The following SPATS2L variants were observed in gnomAD, a reference collection of about 807,000 sequenced individuals.
The protein encoded by SPATS2L is spermatogenesis associated serine rich 2 like, also known as SPATS2-like protein.
Under a neutral mutation model 59.6 loss-of-function variants are expected in SPATS2L, and 30 were observed. The observed-to-expected ratio is 0.50, with a 90% confidence interval of 0.38 to 0.68. SPATS2L has a LOEUF of 0.68. SPATS2L is among the 30% of genes least tolerant of loss of function. The probability of loss-of-function intolerance (pLI) is 0.00; values close to 1 mark genes in which losing one functional copy is unlikely to be tolerated. For synonymous variants in SPATS2L, 252 were observed against 263.5 expected (o/e 0.96, Z 0.42); for missense variants, 615 against 700.0 (o/e 0.88, Z 1.37).
chr2:200,392,347 A>G (rs1363778780), intron 3 of SPATS2L, among the ~76,000 whole-genome samples: 1 of 152,192 alleles, frequency 6.6e-6, no homozygotes, highest in Non-Finnish European at 1.5e-5. Context: ...GGACTGAGCT[A>G]AATACTTGGA....
At position 200,440,757 on chromosome 2, in the gene SPATS2L, A is replaced by C. The variant is rs778323726; in HGVS notation, c.761A>C (p.Lys254Thr). The change falls in exon 8 of 13, where the codon AAA (lysine) becomes ACA (threonine). Residue 254 changes from lysine (K) to threonine (T), a missense_variant. By Grantham distance (78) the Lys-to-Thr change is moderately conservative. Around this residue, in one of 3 missense-constraint regions of SPATS2L, gnomAD observed 104 missense variants for 162.5 expected, o/e 0.64. Coordinates refer to ENST00000409140, the MANE Select transcript of SPATS2L (RefSeq NM_001100423.2). ...EEVDSSVKKI[K>T]AAFAELHNCI... ...GTGGATAGTTCCGTGAAGAAGATCA[A>C]AGCTGCCTTTGCTGAATTACACAAC... The C allele has an allele frequency of 6.2e-7, 1 of 1,613,642 alleles. No individual in the cohort carries two copies. Among genetic ancestry groups the C allele is most frequent in the Non-Finnish European group, 8.5e-7 (1 of 1,179,644 alleles).
intron 9 of SPATS2L, among the ~76,000 whole-genome samples, chr2:200,464,207 T>C (rs536690582): frequency 6.6e-6 from 1 of 152,354 alleles, no homozygotes; most frequent in South Asian, 2.1e-4. Flanking sequence ...GTTTGTGTGA[T>C]TGATGTTTTT....
At position 200,419,434 on chromosome 2, in the gene SPATS2L, T is replaced by C; in HGVS notation, c.383T>C (p.Ile128Thr). The C allele has an allele frequency of 6.2e-7, 1 of 1,613,778 alleles. No individual in the cohort carries two copies. The highest frequency in any genetic ancestry group is 1.7e-5 in the Admixed American group (1 of 59,984). ...TDSANEKPALIPREKKISILE... is the reference protein window; with the variant it reads ...TDSANEKPALTPREKKISILE... ...TCTGCTAACGAAAAACCAGCCCTTA[T>C]CCCTCGTGAGAAAAAGATCTCGATA... The change falls in exon 6 of 13, where the codon ATC becomes ACC. Residue 128 changes from isoleucine (I) to threonine (T), a missense_variant. Physicochemically the swap from Ile to Thr is moderately conservative, Grantham distance 89. This residue lies in a region of SPATS2L where 227 missense variants were observed against 257.4 expected (regional missense o/e 0.88). Coordinates refer to ENST00000409140, the MANE Select transcript of SPATS2L (RefSeq NM_001100423.2).
In SPATS2L at chr2:200,477,739, T is replaced by C. The variant is rs765542154; in HGVS notation, c.1385T>C (p.Leu462Pro). The stretch of plus-strand genomic sequence containing the variant: ...GGCAGTGGGAATGAAGCCGAGCCAC[T>C]GGGAAAGGGCAACAGCCGCCACGAA... ...SQGSGNEAEP[L>P]GKGNSRHEHR... The change falls in exon 13 of 13, where the codon CTG (leucine) becomes CCG (proline). Residue 462 changes from leucine (L) to proline (P), a missense_variant. Around this residue, in one of 3 missense-constraint regions of SPATS2L, gnomAD observed 284 missense variants for 280.1 expected, o/e 1.01. Transcript: ENST00000409140. 22 of 1,575,262 alleles carry C rather than the reference T, an allele frequency of 1.4e-5. No homozygotes were observed. Among genetic ancestry groups the C allele is most frequent in the Non-Finnish European group, 1.7e-5 (20 of 1,160,708 alleles).
chr2:200,345,246 A>G (rs2080472129), intron 2 of SPATS2L, among the ~76,000 whole-genome samples: 1 of 152,146 alleles, frequency 6.6e-6, no homozygotes, highest in Non-Finnish European at 1.5e-5. Context: ...TGATTTTTAT[A>G]TATGGTGTAA....
At chr2:200,308,743 C>A in intron 1 of SPATS2L, 1 of 343,512 alleles carries the variant, frequency 2.9e-6, no homozygotes, top group Non-Finnish European at 5.3e-6. Flanking sequence ...AACTGAACAT[C>A]TGGGAAAAGA....
At chr2:200,446,041 G>A (rs1019976932) in intron 8 of SPATS2L, among the ~76,000 whole-genome samples, 2 of 152,072 alleles carry the variant, frequency 1.3e-5, no homozygotes, top group East Asian at 1.9e-4. Context: ...ATTGTACCAC[G>A]CTTTTAAAAA....
intron 8 of SPATS2L, among the ~76,000 whole-genome samples, chr2:200,448,860 C>A (rs533160510): frequency 6.6e-6 from 1 of 152,286 alleles, no homozygotes; most frequent in African/African-American, 2.4e-5. Flanking sequence ...CTAATAAATA[C>A]ATTTATGCCT....
rs376855879 is a variant in SPATS2L, at chr2:200,478,042, A to C, written c.*11A>C. The C allele has an allele frequency of 7.9e-6, 12 of 1,528,190 alleles. No homozygotes were observed. The highest frequency in any genetic ancestry group is 9.7e-6 in the Non-Finnish European group (11 of 1,139,682). 94.7% of individuals were successfully genotyped at this position (1,528,190 alleles called of 1,614,324 possible). On this transcript the variant is annotated 3_prime_UTR_variant, in exon 13 of 13. Transcript: ENST00000409140. ...ACGTTGGTGGCCTGAGCTAGGAGGA[A>C]AAAGAGCAGTTTTCACTCAGTTTTG...
chr2:200,417,211 G>T (rs1168706476), intron 5 of SPATS2L, among the ~76,000 whole-genome samples: 1 of 152,172 alleles, frequency 6.6e-6, no homozygotes, highest in East Asian at 1.9e-4. Flanking sequence ...AGTGGGGGAA[G>T]ATCACAGGCC....
chr2:200,410,021 A>G (rs1230279292), intron 3 of SPATS2L, among the ~76,000 whole-genome samples: 1 of 152,146 alleles, frequency 6.6e-6, no homozygotes, highest in Non-Finnish European at 1.5e-5. Context: ...TGTTTATTCC[A>G]TAATTCTGGG....
chr2:200,321,895 G>A (rs997282460), intron 1 of SPATS2L, among the ~76,000 whole-genome samples: 5 of 152,170 alleles, frequency 3.3e-5, no homozygotes, highest in South Asian at 2.1e-4. Context: ...TAAGTCATTC[G>A]CTCAAGGTCA....
chr2:200,309,199 A>G, intron 1 of SPATS2L: 1 of 713,498 alleles, frequency 1.4e-6, no homozygotes, highest in East Asian at 2.7e-5. Context: ...TATCAATCAC[A>G]GTGAATGTTC....
intron 1 of SPATS2L, among the ~76,000 whole-genome samples, 177 bp downstream of exon 1, chr2:200,307,099 C>T (rs1056959446): frequency 4.4e-4 from 67 of 150,864 alleles, no homozygotes; most frequent in Non-Finnish European, 7.7e-4. Context: ...GGCGCCGAGG[C>T]GGGCTGGTGG....
intron 1 of SPATS2L, among the ~76,000 whole-genome samples, chr2:200,324,555 A>C (rs1042338902): frequency 4.6e-5 from 7 of 152,192 alleles, no homozygotes; most frequent in Admixed American, 2.6e-4. Context: ...TCTCCTCTGC[A>C]CCAGGCACTG....
intron 9 of SPATS2L, among the ~76,000 whole-genome samples, chr2:200,463,641 T>G (rs1342886572): frequency 6.6e-6 from 1 of 152,144 alleles, no homozygotes; most frequent in East Asian, 1.9e-4. Context: ...AAACCAAGTG[T>G]GTTGTAGTGC....
chr2:200,307,207 G>A (rs563623306), intron 1 of SPATS2L, among the ~76,000 whole-genome samples: 102 of 151,676 alleles, frequency 6.7e-4, no homozygotes, highest in South Asian at 2.1e-3. Flanking sequence ...CGCTCCCCGG[G>A]CGAGCGTGTG....
chr2:200,351,258 C>T (rs1305422178), intron 2 of SPATS2L: 5 of 471,392 alleles, frequency 1.1e-5, no homozygotes, highest in South Asian at 7.7e-5. Context: ...TTTAGATGCA[C>T]TAACCAACAA....
chr2:200,473,598 T>C (rs916956728), intron 12 of SPATS2L, among the ~76,000 whole-genome samples: 1 of 152,254 alleles, frequency 6.6e-6, no homozygotes, highest in African/African-American at 2.4e-5. Context: ...TTATCTATTA[T>C]GATGTCTAAA....
Sources: allele counts gnomAD v4.1 joint callset (sites outside exome capture counted in the v4.1 genomes callset), GRCh38; gene constraint gnomAD v4.1.1; regional missense constraint gnomAD v4.1.1; transcripts MANE v1.5; gene names NCBI Gene and HGNC (gene_info 2026-07-23, HGNC 2026-07-21).